The following ADA variants were observed in gnomAD, a reference collection of about 807,000 sequenced individuals.
ADA encodes adenosine aminohydrolase.
In ADA, 45 loss-of-function variants were observed where a neutral mutation model predicts 49.0. The observed-to-expected ratio is 0.92, with a 90% CI of 0.72 to 1.18. ADA has a LOEUF of 1.18. ADA is among the 50% of genes most tolerant of loss of function. The pLI, the probability that ADA is intolerant of heterozygous loss-of-function variation, is 0.00. For synonymous variants in ADA, 173 were observed against 184.2 expected (o/e 0.94, Z 0.49); for missense variants, 445 against 472.5 (o/e 0.94, Z 0.54).
rs151336936 is a variant in ADA at position 44,629,155 on chromosome 20, G to A, written c.110C>T (p.Ala37Val). The A allele has an allele frequency of 2.5e-4, 396 of 1,614,192 alleles. No individual in the cohort carries two copies. In the African/African-American group the frequency reaches 4.9e-3, roughly 20 times the overall value. The change falls in exon 3 of 12, where the codon GCC becomes GTC. Residue 37 changes from alanine (A) to valine (V), a missense_variant. By Grantham distance (64) the Ala-to-Val change is moderately conservative. Coordinates refer to ENST00000372874, the MANE Select transcript of ADA (RefSeq NM_000022.4). ...CCCCTCTGCTGTGTTAGCTGGGAGG[G>A]CGATCCCTCTCCTCCTGGAAACAAA... ...ILYYGRRRGI[A>V]LPANTAEGLL... is the part of the protein sequence containing the mutation.
At chr20:44,647,167 G>A (rs1053106255) in intron 1 of ADA, among the ~76,000 whole-genome samples, 4 of 152,114 alleles carry the variant, frequency 2.6e-5, no homozygotes, top group African/African-American at 4.8e-5. Context: ...GGGTGCGGTG[G>A]CTCATGCCTG....
At chr20:44,648,460 A>C (rs1233907283) in intron 1 of ADA, among the ~76,000 whole-genome samples, 1 of 152,092 alleles carries the variant, frequency 6.6e-6, no homozygotes, top group Non-Finnish European at 1.5e-5. Flanking sequence ...CTGACCATAC[A>C]GGGGTATAGG....
rs760711536 is a variant in ADA at position 44,651,624 on chromosome 20, C to T, written c.-17G>A. ...CTGGGCCATGGTGCCCTCGTGCGCC[C>T]CGGCGCTGCTCCCTCCGCCGCCGCT... On this transcript the variant is annotated 5_prime_UTR_variant, in exon 1 of 12. Coordinates refer to ENST00000372874, the MANE Select transcript of ADA (RefSeq NM_000022.4). 5.2e-6 allele frequency: 8 copies of T among 1,526,806 alleles called. No individual in the cohort carries two copies. The African/African-American group carries it at 9.9e-5, about 19-fold the overall frequency. The allele number at this position is 1,526,806 out of a possible 1,614,324, so 94.6% of individuals were successfully genotyped here.
chr20:44,623,148 C>G, intron 6 of ADA, 70 bp from the exon 7 acceptor site: 2 of 1,605,956 alleles, frequency 1.2e-6, no homozygotes, highest in South Asian at 1.1e-5. Flanking sequence ...CTTGACCATG[C>G]TGTGGAGATT....
intron 1 of ADA, among the ~76,000 whole-genome samples, chr20:44,641,285 A>T (rs8119702): frequency 0.082 from 12,446 of 152,042 alleles, 676 homozygotes; most frequent in East Asian, 0.16. Context: ...GACTTTTTTT[A>T]AAAAAACACG....
intron 1 of ADA, among the ~76,000 whole-genome samples, chr20:44,638,666 A>C (rs1425009490): frequency 6.6e-6 from 1 of 152,210 alleles, no homozygotes; most frequent in Non-Finnish European, 1.5e-5. Context: ...GGAGGGTCCA[A>C]GTCCTGTTCC....
chr20:44,633,053 G>A (rs2065447999), intron 2 of ADA, among the ~76,000 whole-genome samples: 1 of 152,322 alleles, frequency 6.6e-6, no homozygotes, highest in Admixed American at 6.5e-5. Flanking sequence ...GGCACTGTCT[G>A]GTCCTCTTCC....
At chr20:44,647,755 A>G (rs748685227) in intron 1 of ADA, among the ~76,000 whole-genome samples, 1 of 151,866 alleles carries the variant, frequency 6.6e-6, no homozygotes, top group African/African-American at 2.4e-5. Context: ...TGTCTCTACT[A>G]AAAATACAAA....
At chr20:44,629,348 G>A (rs746420661) in intron 2 of ADA, among the ~76,000 whole-genome samples, 179 bp from the exon 3 acceptor site, 7 of 152,206 alleles carry the variant, frequency 4.6e-5, no homozygotes, top group Non-Finnish European at 2.9e-5. Flanking sequence ...AACCAGGACC[G>A]GAATTTTTCC....
chr20:44,619,700 A>G lies in ADA; in HGVS notation c.*134T>C. 2 of 1,197,950 alleles carry G rather than the reference A, an allele frequency of 1.7e-6. No individual in the cohort carries two copies. Among genetic ancestry groups the G allele is most frequent in the South Asian group, 1.2e-5 (1 of 80,602 alleles). 74.2% of individuals were successfully genotyped at this position (1,197,950 alleles called of 1,614,324 possible). On this transcript the variant is annotated 3_prime_UTR_variant, in exon 12 of 12. Coordinates refer to ENST00000372874, the MANE Select transcript of ADA (RefSeq NM_000022.4). ...GGTATACGTGTGTGCAGAAATGGACACATAGGGTTCAGGAGCATCAGTAAC... is the reference window on the plus strand; with the variant it reads ...GGTATACGTGTGTGCAGAAATGGACGCATAGGGTTCAGGAGCATCAGTAAC...
intron 1 of ADA, among the ~76,000 whole-genome samples, chr20:44,650,678 C>T (rs992507327): frequency 6.6e-6 from 1 of 152,206 alleles, no homozygotes; most frequent in Admixed American, 6.5e-5. Flanking sequence ...AAATGATCCT[C>T]CCGCCTCAGC....
chr20:44,636,028 T>A, intron 2 of ADA, 199 bp downstream of exon 2: 1 of 609,672 alleles, frequency 1.6e-6, no homozygotes, highest in Non-Finnish European at 2.9e-6. Context: ...CCCAGAAAGC[T>A]CAGGAGTTGG....
In ADA at chr20:44,624,265, G is replaced by A. The variant is rs764244541; in HGVS notation, c.543C>T (p.Asp181=). 1 of 1,614,034 alleles carries A rather than the reference G, an allele frequency of 6.2e-7. No homozygotes were observed. Among genetic ancestry groups the A allele is most frequent in the South Asian group, 1.1e-5 (1 of 91,074 alleles). The change falls in exon 6 of 12, where the codon GAC becomes GAT. Residue 181 remains aspartate, a synonymous_variant. Coordinates refer to ENST00000372874, the MANE Select transcript of ADA (RefSeq NM_000022.4). ...KYQQQTVVAI[D]LAGDETIPGS... ...CTGGGATGGTCTCATCTCCAGCCAG[G>A]TCAATGGCTACCACGGTCTGCTGCT...
intron 1 of ADA, among the ~76,000 whole-genome samples, chr20:44,645,383 C>T (rs1365755820): frequency 6.9e-6 from 1 of 143,978 alleles, no homozygotes; most frequent in African/African-American, 2.6e-5. Context: ...AAAAAAGTCA[C>T]TGAAGTCACC....
At chr20:44,622,795 G>A in intron 8 of ADA, 34 bp downstream of exon 8, 1 of 1,614,174 alleles carries the variant, frequency 6.2e-7, no homozygotes, top group Non-Finnish European at 8.5e-7. Flanking sequence ...GGGACAGCCG[G>A]GGATGGTTCC....
chr20:44,624,148 T>C, intron 6 of ADA, 54 bp downstream of exon 6: 2 of 1,562,428 alleles, frequency 1.3e-6, no homozygotes, highest in Non-Finnish European at 1.7e-6. Flanking sequence ...CAACTATGGG[T>C]GGGAGACAAG....
At chr20:44,620,862 G>A in intron 10 of ADA, 156 bp downstream of exon 10, 1 of 1,034,656 alleles carries the variant, frequency 9.7e-7, no homozygotes, top group Non-Finnish European at 1.5e-6. Flanking sequence ...TCAACACAAA[G>A]ATGTCTTCTC....
chr20:44,635,950 A>AT (rs2065475962), intron 2 of ADA: 1 of 500,438 alleles, frequency 2.0e-6, no homozygotes, highest in East Asian at 3.5e-5. Context: ...TCATGCACGT[A>AT]TGTGGGTGGG....
intron 11 of ADA, 147 bp downstream of exon 11, chr20:44,620,152 G>T: frequency 1.2e-6 from 1 of 813,362 alleles, no homozygotes; most frequent in Non-Finnish European, 2.1e-6. Flanking sequence ...ATGAGACGCT[G>T]CTCCCAGCCA....
Sources: allele counts gnomAD v4.1 joint callset (sites outside exome capture counted in the v4.1 genomes callset), GRCh38; gene constraint gnomAD v4.1.1; transcripts MANE v1.5; gene names NCBI Gene and HGNC (gene_info 2026-07-23, HGNC 2026-07-21).